WDPCP: variants seen among roughly 807,000 people sequenced by gnomAD.
WDPCP encodes the protein WD repeat containing planar cell polarity effector.
WDPCP carries 71 observed loss-of-function variants against 93.1 expected under a neutral mutation model. The ratio of observed to expected loss-of-function variants is 0.76; its 90% CI spans 0.63 to 0.93. WDPCP has a LOEUF of 0.93. Ranked by LOEUF, WDPCP falls within the 40% of genes least tolerant of loss-of-function variation. WDPCP has a pLI of 0.00. For synonymous variants in WDPCP, 315 were observed against 315.0 expected, an observed-to-expected ratio of 1.00 and a Z score of 0.00; for missense variants, 844 against 887.4, an observed-to-expected ratio of 0.95 and a Z score of 0.62.
intron 1 of WDPCP, chr2:63,564,485 A>AGTTGTTAAT (rs1409710692): frequency 6.6e-6 from 1 of 152,154 alleles, no homozygotes; most frequent in African/African-American, 2.4e-5. Flanking sequence ...GTTTTCATCC[A>AGTTGTTAAT]GTTGTTAATT....
intron 2 of WDPCP, among the ~76,000 whole-genome samples, chr2:63,698,752 G>A (rs906042728): frequency 1.3e-5 from 2 of 152,132 alleles, no homozygotes; most frequent in Non-Finnish European, 2.9e-5. Context: ...AAAGAGGGAG[G>A]GGGGAATAAA....
At chr2:63,569,367 T>C (rs1438441805) in intron 1 of WDPCP, among the ~76,000 whole-genome samples, 2 of 152,242 alleles carry the variant, frequency 1.3e-5, no homozygotes, top group Non-Finnish European at 2.9e-5. Context: ...ACTGTTAATG[T>C]TCTATTTCTT....
chr2:63,455,346 T>C (rs1410180149), intron 6 of WDPCP, among the ~76,000 whole-genome samples: 1 of 151,656 alleles, frequency 6.6e-6, no homozygotes, highest in Non-Finnish European at 1.5e-5. Context: ...ATAGACTGTT[T>C]GAACAGATTT....
At chr2:63,243,568 T>C (rs927440137) in intron 14 of WDPCP, among the ~76,000 whole-genome samples, 3 of 152,074 alleles carry the variant, frequency 2.0e-5, no homozygotes, top group Admixed American at 6.6e-5. Flanking sequence ...TCTTAGATCA[T>C]AGAAAACAGA....
At chr2:63,700,296 A>G (rs1575750867) in intron 2 of WDPCP, among the ~76,000 whole-genome samples, 6 of 136,934 alleles carry the variant, frequency 4.4e-5, no homozygotes, top group Middle Eastern at 3.8e-3. Flanking sequence ...AAAAAAAAAA[A>G]AAAAAAACAA....
intron 2 of WDPCP, among the ~76,000 whole-genome samples, chr2:63,783,538 T>C (rs1670426220): frequency 6.6e-6 from 1 of 152,160 alleles, no homozygotes; most frequent in Non-Finnish European, 1.5e-5. Context: ...CATCAGCAGA[T>C]GACTGGATAA....
chr2:63,689,093 T>A (rs1219971870), intron 2 of WDPCP, among the ~76,000 whole-genome samples: 2 of 152,172 alleles, frequency 1.3e-5, no homozygotes, highest in African/African-American at 4.8e-5. Flanking sequence ...ATCCAGTCTG[T>A]GGTATTCTGT....
At position 63,800,135 on chromosome 2, in the gene WDPCP, A is replaced by T. The variant is rs988829463; in HGVS notation, n.308+13487T>A. On this transcript the variant is annotated intron_variant and non_coding_transcript_variant, in intron 2 of 4. Transcript: ENST00000467687. ...AATATTCACTGATCCCAAATAAGGC[A>T]TCTTAGGCTTTTAGAATGTATCCAA... Among the ~76,000 whole-genome samples the T allele has an allele frequency of 3.3e-5, 5 of 152,168 alleles. No homozygotes were observed. In the East Asian group the frequency reaches 9.6e-4, roughly 29 times the overall value.
At chr2:63,597,479 GA>G in intron 3 of WDPCP, 1 of 1,520,276 alleles carries the variant, frequency 6.6e-7, no homozygotes, top group Non-Finnish European at 8.9e-7. Context: ...GCCAAGAAGG[GA>G]AGGCATGGAG....
intron 2 of WDPCP, among the ~76,000 whole-genome samples, chr2:63,676,572 CA>C (rs911826564): frequency 6.7e-6 from 1 of 149,126 alleles, no homozygotes; most frequent in African/African-American, 2.5e-5. Flanking sequence ...GAACCAAAAA[CA>C]AAAAAAAAGG....
rs576718238 is a variant in WDPCP at position 63,410,347 on chromosome 2, C to G, written c.826-5690G>C. ...AGAATTTGCCACTACCAAGCAACCA[C>G]TACAAGAACTGCTAAAAGGAGCTCT... On this transcript the variant is annotated intron_variant, in intron 9 of 17. Transcript: ENST00000272321. Among the ~76,000 whole-genome samples the G allele has an allele frequency of 2.6e-5, 4 of 152,298 alleles. No individual in the cohort carries two copies. In the South Asian group the frequency reaches 8.3e-4, roughly 32 times the overall value.
intron 9 of WDPCP, among the ~76,000 whole-genome samples, chr2:63,408,176 C>A (rs1355014718): frequency 1.3e-5 from 2 of 152,078 alleles, no homozygotes; most frequent in African/African-American, 4.8e-5. Flanking sequence ...AAGAACAAAC[C>A]AGCAGTCCCA....
Position 63,426,998 on chromosome 2 carries a change from C to CATA in WDPCP, c.825+6744_825+6746dup, listed in dbSNP as rs1696365077. ...TCGAGAAGGACAAAGAAGGGTATTA[C>CATA]ATAATAACAATAAAAAAAGGTTCGA... On this transcript the variant is annotated intron_variant, in intron 9 of 17. Coordinates refer to ENST00000272321, the MANE Select transcript of WDPCP (RefSeq NM_015910.7). 2.0e-5 allele frequency among the ~76,000 whole-genome samples: 3 copies of CATA among 152,050 alleles called. 1 individual carries two copies. The highest frequency in any genetic ancestry group is 4.1e-4 in the South Asian group (2 of 4,820).
chr2:63,615,946 T>C (rs1251074147), intron 3 of WDPCP, among the ~76,000 whole-genome samples: 1 of 152,228 alleles, frequency 6.6e-6, no homozygotes, highest in African/African-American at 2.4e-5. Flanking sequence ...GTAATAATAA[T>C]ATTCTCAGGC....
At chr2:63,631,709 G>A (rs2106634199) in intron 3 of WDPCP, among the ~76,000 whole-genome samples, 1 of 152,348 alleles carries the variant, frequency 6.6e-6, no homozygotes, top group East Asian at 1.9e-4. Flanking sequence ...GACATCTGGA[G>A]ATGGCTGGGA....
chr2:63,693,646 G>A (rs909579528), intron 2 of WDPCP, among the ~76,000 whole-genome samples: 2 of 152,144 alleles, frequency 1.3e-5, no homozygotes, highest in African/African-American at 4.8e-5. Flanking sequence ...CCCAAGGCGG[G>A]TTGTGGAAAA....
intron 13 of WDPCP, among the ~76,000 whole-genome samples, chr2:63,273,023 G>A (rs950566155): frequency 3.6e-4 from 55 of 151,992 alleles, no homozygotes; most frequent in African/African-American, 1.2e-3. Flanking sequence ...CACATATAAG[G>A]GAATCCCATC....
chr2:63,174,370 T>A (rs1013533784), intron 15 of WDPCP, among the ~76,000 whole-genome samples: 5 of 152,078 alleles, frequency 3.3e-5, no homozygotes, highest in Admixed American at 1.3e-4. Flanking sequence ...AAATTAATAT[T>A]TATTAAAGGT....
At chr2:63,248,505 G>A (rs62177795) in intron 14 of WDPCP, among the ~76,000 whole-genome samples, 21,909 of 151,818 alleles carry the variant, frequency 0.14, 1,946 homozygotes, top group Middle Eastern at 0.21. Flanking sequence ...TATTTCTTCA[G>A]ATCATCTTTC....
Sources: allele counts gnomAD v4.1 joint callset (sites outside exome capture counted in the v4.1 genomes callset), GRCh38; gene constraint gnomAD v4.1.1; transcripts MANE v1.5; gene names NCBI Gene and HGNC (gene_info 2026-07-23, HGNC 2026-07-21).